GCSAML: variants seen among roughly 807,000 people sequenced by gnomAD.
GCSAML encodes the protein germinal center associated signaling and motility like.
In GCSAML, 9 loss-of-function variants were observed where a neutral mutation model predicts 13.0. That is an observed-to-expected ratio of 0.69 (90% CI 0.42 to 1.21). The LOEUF (loss-of-function observed/expected upper bound fraction) is 1.21, where lower values mean the gene tolerates loss of function less well. Ranked by LOEUF, GCSAML falls within the 50% of genes most tolerant of loss-of-function variation. The probability of loss-of-function intolerance (pLI) is 0.00; values close to 1 mark genes in which losing one functional copy is unlikely to be tolerated. For missense variants in GCSAML, 143 were observed against 153.4 expected, an observed-to-expected ratio of 0.93 and a Z score of 0.36; for synonymous variants, 37 against 52.9, an observed-to-expected ratio of 0.70 and a Z score of 1.31.
chr1:247,562,251 G>C (rs1338741196), intron 2 of GCSAML, among the ~76,000 whole-genome samples: 1 of 152,112 alleles, frequency 6.6e-6, no homozygotes, highest in Non-Finnish European at 1.5e-5. Flanking sequence ...GCTAAGGTCT[G>C]GCTCCTGGGC....
intron 2 of GCSAML, among the ~76,000 whole-genome samples, chr1:247,560,550 C>G (rs955703720): frequency 1.3e-5 from 2 of 152,170 alleles, no homozygotes; most frequent in Admixed American, 1.3e-4. Context: ...CCCCCACCCC[C>G]AAACATGTAT....
At chr1:247,570,246 T>C (rs1211966912) in intron 4 of GCSAML, among the ~76,000 whole-genome samples, 3 of 152,198 alleles carry the variant, frequency 2.0e-5, no homozygotes, top group Non-Finnish European at 4.4e-5. Context: ...TGTCTTCTGC[T>C]AGCTTTTGAA....
intron 1 of GCSAML, among the ~76,000 whole-genome samples, chr1:247,520,526 T>TCACACACACACA (rs10597982): frequency 3.9e-4 from 58 of 150,404 alleles, no homozygotes; most frequent in African/African-American, 1.4e-3. Flanking sequence ...CCCCACCTCT[T>TCACACACACACA]CACACACACA....
chr1:247,558,516 C>T (rs1668025725), intron 2 of GCSAML, among the ~76,000 whole-genome samples: 1 of 152,058 alleles, frequency 6.6e-6, no homozygotes, highest in Non-Finnish European at 1.5e-5. Context: ...AGAATATTTC[C>T]ACCACCCTCC....
intron 2 of GCSAML, chr1:247,532,227 A>G (rs747171780): frequency 1.2e-6 from 2 of 1,614,196 alleles, no homozygotes; most frequent in Non-Finnish European, 8.5e-7. Flanking sequence ...CACACCCTCC[A>G]TAGCTTATGG....
At chr1:247,546,844 C>T (rs1336096343), upstream of GCSAML, among the ~76,000 whole-genome samples, 1 of 151,076 alleles carries the variant, frequency 6.6e-6, no homozygotes, top group African/African-American at 2.4e-5. Context: ...AATCCCAGCA[C>T]TTTGGGAGGC....
At chr1:247,514,713 T>C (rs1666154935) in intron 1 of GCSAML, among the ~76,000 whole-genome samples, 1 of 151,482 alleles carries the variant, frequency 6.6e-6, no homozygotes, top group African/African-American at 2.4e-5. Flanking sequence ...GCACTATTTG[T>C]TGAACAGGGT....
At chr1:247,538,792 G>T (rs542385720) in intron 2 of GCSAML, 3 of 454,462 alleles carry the variant, frequency 6.6e-6, no homozygotes, top group East Asian at 1.4e-4. Context: ...CTCCAGAACT[G>T]TGAGAAAATA....
chr1:247,512,675 G>T (rs1414242063), intron 1 of GCSAML, among the ~76,000 whole-genome samples: 2 of 152,132 alleles, frequency 1.3e-5, no homozygotes. Flanking sequence ...TGATGTTGGT[G>T]ACCTTCAGAT....
At chr1:247,558,002 A>G (rs946736184) in intron 2 of GCSAML, among the ~76,000 whole-genome samples, 1 of 152,218 alleles carries the variant, frequency 6.6e-6, no homozygotes, top group Non-Finnish European at 1.5e-5. Context: ...TTTTTCTGTT[A>G]AAGGAACTGA....
At chr1:247,516,825 T>C (rs898450917) in intron 1 of GCSAML, among the ~76,000 whole-genome samples, 2 of 152,194 alleles carry the variant, frequency 1.3e-5, no homozygotes, top group Non-Finnish European at 2.9e-5. Flanking sequence ...ACAGCCAACA[T>C]TTAATTGTTG....
At chr1:247,571,892 G>C (rs547534123) in intron 4 of GCSAML, among the ~76,000 whole-genome samples, 13 of 151,936 alleles carry the variant, frequency 8.6e-5, no homozygotes, top group Non-Finnish European at 1.8e-4. Context: ...TGGAGGCTTT[G>C]TTTGTTCCTT....
chr1:247,538,413 A>G (rs144271254), intron 2 of GCSAML, among the ~76,000 whole-genome samples: 106 of 152,292 alleles, frequency 7.0e-4, no homozygotes, highest in African/African-American at 2.5e-3. Flanking sequence ...TCAGATTCAC[A>G]TATCTAACTG....
chr1:247,535,748 CA>C (rs1313592224), intron 2 of GCSAML, among the ~76,000 whole-genome samples: 2 of 152,180 alleles, frequency 1.3e-5, no homozygotes, highest in Non-Finnish European at 2.9e-5. Flanking sequence ...GCTGCTTAGT[CA>C]TACTGGAGCT....
At chr1:247,535,196 T>A (rs941397457) in intron 2 of GCSAML, among the ~76,000 whole-genome samples, 1 of 152,138 alleles carries the variant, frequency 6.6e-6, no homozygotes, top group Non-Finnish European at 1.5e-5. Flanking sequence ...GTGCCTGTAG[T>A]CTCAGCTACT....
intron 1 of GCSAML, among the ~76,000 whole-genome samples, chr1:247,507,912 C>T (rs891863268): frequency 6.6e-6 from 1 of 152,136 alleles, no homozygotes; most frequent in Admixed American, 6.5e-5. Context: ...TCCAGTCTAT[C>T]ACTGATGGGC....
At chr1:247,566,231 A>G (rs758991563) in intron 4 of GCSAML, among the ~76,000 whole-genome samples, 3 of 152,110 alleles carry the variant, frequency 2.0e-5, no homozygotes, top group Non-Finnish European at 4.4e-5. Context: ...ATTCTGCTGA[A>G]GTCTAATTTT....
chr1:247,510,520 GTTA>G (rs1665997958), intron 1 of GCSAML, among the ~76,000 whole-genome samples: 1 of 151,418 alleles, frequency 6.6e-6, no homozygotes, highest in Non-Finnish European at 1.5e-5. Context: ...TCTGCTCTGA[GTTA>G]TTTCTTGTCT....
chr1:247,507,655 A>G (rs12063840), intron 1 of GCSAML, among the ~76,000 whole-genome samples: 12,622 of 152,114 alleles, frequency 0.083, 590 homozygotes, highest in African/African-American at 0.13. Flanking sequence ...TATTTCTCCT[A>G]ATGCTATCCC....
Sources: gnomAD v4.1 joint callset for allele counts (sites outside exome capture counted in the v4.1 genomes callset) on GRCh38, gnomAD v4.1.1 for gene constraint, MANE v1.5 for transcripts, NCBI Gene and HGNC (gene_info 2026-07-23, HGNC 2026-07-21) for gene names.